The following DCAF7 variants were observed in gnomAD, a reference collection of about 807,000 sequenced individuals.
DCAF7 encodes the protein DDB1 and CUL4 associated factor 7, also known as DDB1- and CUL4-associated factor 7.
In DCAF7, 4 loss-of-function variants were observed where a neutral mutation model predicts 41.2. That is an observed-to-expected ratio of 0.10 (90% CI 0.05 to 0.22). The LOEUF is 0.22. Ranked by LOEUF, DCAF7 falls within the 10% of genes least tolerant of loss-of-function variation. The pLI is 1.00. For missense variants in DCAF7, 131 were observed against 443.2 expected, an observed-to-expected ratio of 0.30 and a Z score of 6.32; for synonymous variants, 143 against 164.2, an observed-to-expected ratio of 0.87 and a Z score of 0.99.
At chr17:63,569,050 G>A (rs1482969066) in intron 1 of DCAF7, among the ~76,000 whole-genome samples, 1 of 152,180 alleles carries the variant, frequency 6.6e-6, no homozygotes, top group Non-Finnish European at 1.5e-5. Context: ...ATTATTTGAT[G>A]TCACTGGGAG....
intron 1 of DCAF7, among the ~76,000 whole-genome samples, chr17:63,561,358 T>A (rs945393707): frequency 6.6e-6 from 1 of 152,092 alleles, no homozygotes; most frequent in African/African-American, 2.4e-5. Context: ...AAAGCAAAAA[T>A]TTTGTAAATA....
At chr17:63,578,347 G>T in intron 1 of DCAF7, 123 bp from the exon 2 acceptor site, 1 of 1,389,426 alleles carries the variant, frequency 7.2e-7, no homozygotes, top group South Asian at 1.3e-5. Context: ...CTGGGCAACA[G>T]AGCAAGATCC....
At position 63,550,483 on chromosome 17, in the gene DCAF7, C is replaced by A. The variant is rs944878826; in HGVS notation, c.-195C>A. On this transcript the variant is annotated 5_prime_UTR_variant, in exon 1 of 7. Coordinates refer to ENST00000614556, the MANE Select transcript of DCAF7 (RefSeq NM_005828.5). The surrounding 1 kb of genome is among the most constrained non-coding windows in gnomAD (Gnocchi z 4.8). ...CCCAAAACGGAAGGTGGTTGTCGTCCGTTCCCAAGCTGGTTTGAAACTAGG... is the reference window on the plus strand; with the variant it reads ...CCCAAAACGGAAGGTGGTTGTCGTCAGTTCCCAAGCTGGTTTGAAACTAGG... The A allele has an allele frequency of 4.6e-6, 4 of 872,480 alleles. No individual in the cohort carries two copies. The highest frequency in any genetic ancestry group is 6.6e-6 in the Non-Finnish European group (4 of 608,438). The allele number at this position is 872,480 out of a possible 1,614,324, so 54.0% of individuals were successfully genotyped here.
At chr17:63,558,713 C>A (rs919120989) in intron 1 of DCAF7, among the ~76,000 whole-genome samples, 1 of 152,178 alleles carries the variant, frequency 6.6e-6, no homozygotes, top group Non-Finnish European at 1.5e-5. Flanking sequence ...GCCTGCCCAA[C>A]CCAAAGTGCT....
At chr17:63,578,377 A>G in intron 1 of DCAF7, 93 bp from the exon 2 acceptor site, 1 of 1,556,806 alleles carries the variant, frequency 6.4e-7, no homozygotes, top group East Asian at 2.3e-5. Context: ...AACAAAAAAC[A>G]AACAAAAAAA....
chr17:63,551,698 C>T (rs1048390398), intron 1 of DCAF7, among the ~76,000 whole-genome samples: 1 of 151,798 alleles, frequency 6.6e-6, no homozygotes, highest in African/African-American at 2.4e-5. Flanking sequence ...AAAGCTGTGG[C>T]TAGTGATATT....
chr17:63,567,300 A>C (rs1477485378), intron 1 of DCAF7, among the ~76,000 whole-genome samples: 1 of 152,136 alleles, frequency 6.6e-6, no homozygotes, highest in Non-Finnish European at 1.5e-5. Flanking sequence ...ATTTAAATGG[A>C]TATCTGAACA....
chr17:63,594,203 C>CCT lies in DCAF7; in HGVS notation c.*5033_*5034dup. 1 of 152,714 alleles carries CCT rather than the reference C, an allele frequency of 6.5e-6. No individual in the cohort carries two copies. The highest frequency in any genetic ancestry group is 1.9e-4 in the East Asian group (1 of 5,188). The allele number at this position is 152,714 out of a possible 1,614,324, so 9.5% of individuals were successfully genotyped here. Reference sequence around the variant, plus strand: ...TTTTCACCCTTTCATTCTGTTTCAGCCTCCTGTATAAGAAGTACCGTATTT... The same window carrying CCT: ...TTTTCACCCTTTCATTCTGTTTCAGCCTCTCCTGTATAAGAAGTACCGTATTT... On this transcript the variant is annotated 3_prime_UTR_variant, in exon 7 of 7. Transcript: ENST00000614556.
At chr17:63,576,370 A>G (rs1255955190) in intron 1 of DCAF7, among the ~76,000 whole-genome samples, 1 of 151,972 alleles carries the variant, frequency 6.6e-6, no homozygotes, top group East Asian at 1.9e-4. Flanking sequence ...TGCTTGAACC[A>G]AGGAGGTGGA....
At position 63,593,667 on chromosome 17, in the gene DCAF7, G is replaced by A. The variant is rs962739558; in HGVS notation, c.*4495G>A. 6.6e-6 allele frequency: 1 copy of A among 152,646 alleles called. No individual in the cohort carries two copies. Among genetic ancestry groups the A allele is most frequent in the African/African-American group, 2.4e-5 (1 of 41,450 alleles). 9.5% of individuals were successfully genotyped at this position (152,646 alleles called of 1,614,324 possible). ...TGGTATACCATGTGTTATGAAAATT[G>A]TTGAGCTGAAGCTTTGAATCGATTT... On this transcript the variant is annotated 3_prime_UTR_variant, in exon 7 of 7. Coordinates refer to ENST00000614556, the MANE Select transcript of DCAF7 (RefSeq NM_005828.5).
chr17:63,583,169 CTCA>C (rs2033642080), intron 4 of DCAF7, among the ~76,000 whole-genome samples: 1 of 152,136 alleles, frequency 6.6e-6, no homozygotes, highest in Non-Finnish European at 1.5e-5. Context: ...AAATAAGTGT[CTCA>C]TTCTTGTTGT....
At chr17:63,560,358 T>C (rs1429530498) in intron 1 of DCAF7, among the ~76,000 whole-genome samples, 1 of 152,230 alleles carries the variant, frequency 6.6e-6, no homozygotes, top group Non-Finnish European at 1.5e-5. Flanking sequence ...AGGATATTCA[T>C]TTTAGCATTA....
chr17:63,562,077 C>T (rs1459631458), intron 1 of DCAF7, among the ~76,000 whole-genome samples: 1 of 150,822 alleles, frequency 6.6e-6, no homozygotes, highest in Admixed American at 6.6e-5. Context: ...ACTTACCCTA[C>T]CAGATTAGAA....
At chr17:63,578,321 A>ACCACT in intron 1 of DCAF7, 149 bp from the exon 2 acceptor site, 3 of 1,059,640 alleles carry the variant, frequency 2.8e-6, no homozygotes, top group Non-Finnish European at 4.1e-6. Context: ...CTGTGGTTGC[A>ACCACT]CCACTGCACT....
chr17:63,588,188 G>GTTTTTTTTTTT (rs1568106611), intron 6 of DCAF7, among the ~76,000 whole-genome samples: 1 of 121,990 alleles, frequency 8.2e-6, no homozygotes, highest in African/African-American at 4.7e-5. Context: ...TATTTTCTTG[G>GTTTTTTTTTTT]ATTTTTTTTT....
intron 1 of DCAF7, chr17:63,573,345 CTCTCA>C (rs2033527252): frequency 6.6e-6 from 1 of 152,186 alleles, no homozygotes; most frequent in Non-Finnish European, 1.5e-5. Context: ...GAAGCAAGCA[CTCTCA>C]TCTGGGTTTT....
rs986393797 is a variant in DCAF7, at chr17:63,592,689, G to A, written c.*3517G>A. ...GTGGAGTGAGACTGCCCTTAGCCTGGGTCAGCCTTCCTGGGCCATAAATTG... is the reference window on the plus strand; with the variant it reads ...GTGGAGTGAGACTGCCCTTAGCCTGAGTCAGCCTTCCTGGGCCATAAATTG... On this transcript the variant is annotated 3_prime_UTR_variant, in exon 7 of 7. Transcript: ENST00000614556. 6.6e-6 allele frequency: 1 copy of A among 152,146 alleles called. No homozygotes were observed. The highest frequency in any genetic ancestry group is 2.4e-5 in the African/African-American group (1 of 41,408). The allele number at this position is 152,146 out of a possible 1,614,324, so 9.4% of individuals were successfully genotyped here. A position where few individuals can be genotyped will look rare whatever the true frequency, so the allele number is the denominator to read the frequency against.
chr17:63,584,260 G>A (rs900460896), intron 5 of DCAF7, among the ~76,000 whole-genome samples: 5 of 152,156 alleles, frequency 3.3e-5, no homozygotes, highest in African/African-American at 4.8e-5. Context: ...ACGAGGTCAA[G>A]AGATGGAGAC....
At chr17:63,572,244 G>A (rs1223451262) in intron 1 of DCAF7, among the ~76,000 whole-genome samples, 3 of 152,176 alleles carry the variant, frequency 2.0e-5, no homozygotes, top group African/African-American at 4.8e-5. Context: ...TACAGATTGG[G>A]AAACAAGATG....
Sources: gnomAD v4.1 joint callset for allele counts (sites outside exome capture counted in the v4.1 genomes callset) on GRCh38, gnomAD v4.1.1 for gene constraint, Gnocchi (gnomAD v3.1) non-coding constraint, MANE v1.5 for transcripts, NCBI Gene and HGNC (gene_info 2026-07-23, HGNC 2026-07-21) for gene names.